Variants in NUP133 observed in about 807,000 individuals in gnomAD.
NUP133 encodes nucleoporin 133.
NUP133 carries 66 observed loss-of-function variants against 146.2 expected under a neutral mutation model. The ratio of observed to expected loss-of-function variants is 0.45; its 90% confidence interval spans 0.37 to 0.55. The LOEUF (loss-of-function observed/expected upper bound fraction) is 0.55, where lower values mean the gene tolerates loss of function less well. Ranked by LOEUF, NUP133 falls within the 20% of genes least tolerant of loss-of-function variation. The pLI, the probability that NUP133 is intolerant of heterozygous loss-of-function variation, is 0.00. For synonymous variants in NUP133, 521 were observed against 498.8 expected (o/e 1.04, Z -0.59); for missense variants, 1,277 against 1,374.8 (o/e 0.93, Z 1.12).
chr1:229,499,400 TCTTC>T (rs1023427829), intron 5 of NUP133, among the ~76,000 whole-genome samples: 1 of 152,188 alleles, frequency 6.6e-6, no homozygotes, highest in African/African-American at 2.4e-5. Flanking sequence ...TACATTCTTC[TCTTC>T]CTTGTCTCTT....
At chr1:229,454,793 C>T (rs1260258502) in intron 21 of NUP133, among the ~76,000 whole-genome samples, 1 of 152,172 alleles carries the variant, frequency 6.6e-6, no homozygotes, top group Non-Finnish European at 1.5e-5. Flanking sequence ...ATGGCTTCCC[C>T]TCTTAGACTA....
chr1:229,465,664 T>G, intron 16 of NUP133, 145 bp from the exon 17 acceptor site: 2 of 673,064 alleles, frequency 3.0e-6, no homozygotes, highest in Non-Finnish European at 2.6e-6. Context: ...TCCCAGTGCT[T>G]TGGGAGGCTG....
chr1:229,494,726 T>A (rs569114891), intron 8 of NUP133, among the ~76,000 whole-genome samples: 2 of 152,324 alleles, frequency 1.3e-5, no homozygotes, highest in East Asian at 3.9e-4. Flanking sequence ...AGTTCTAATT[T>A]GTACTACCAA....
intron 13 of NUP133, among the ~76,000 whole-genome samples, chr1:229,476,117 A>G (rs1310753881): frequency 1.3e-5 from 2 of 151,772 alleles, no homozygotes; most frequent in Non-Finnish European, 2.9e-5. Context: ...CAAAAAAGAA[A>G]AGGGAAAAAA....
At chr1:229,467,263 A>G (rs1176110464) in intron 15 of NUP133, among the ~76,000 whole-genome samples, 2 of 152,254 alleles carry the variant, frequency 1.3e-5, no homozygotes, top group African/African-American at 4.8e-5. Flanking sequence ...TTTGTCATTA[A>G]TTAATACATG....
At chr1:229,449,728 A>C (rs985297880) in intron 23 of NUP133, among the ~76,000 whole-genome samples, 1 of 151,254 alleles carries the variant, frequency 6.6e-6, no homozygotes, top group Non-Finnish European at 1.5e-5. Flanking sequence ...TATGTTTCTA[A>C]AATCTACCAA....
At chr1:229,499,199 C>T (rs1280798842) in intron 5 of NUP133, 1 of 470,838 alleles carries the variant, frequency 2.1e-6, no homozygotes, top group Admixed American at 2.3e-5. Flanking sequence ...CATGCTCAGC[C>T]AGATTTTGTT....
In NUP133 at chr1:229,498,096, T is replaced by C. The variant is rs893555250; in HGVS notation, c.819+40A>G. The stretch of plus-strand genomic sequence containing the variant: ...GATACTTTCAACTTATTGATTTAAC[T>C]AAGAAATAAGCTTGTAAAATAGTTA... On this transcript the variant is annotated intron_variant, in intron 6 of 25. Coordinates refer to ENST00000261396, the MANE Select transcript of NUP133 (RefSeq NM_018230.3). 7 of 1,416,640 alleles carry C rather than the reference T, an allele frequency of 4.9e-6. No homozygotes were observed. The African/African-American group carries it at 8.8e-5, about 18-fold the overall frequency. The allele number at this position is 1,416,640 out of a possible 1,614,324, so 87.8% of individuals were successfully genotyped here. A position where few individuals can be genotyped will look rare whatever the true frequency, so the allele number is the denominator to read the frequency against.
Position 229,501,992 on chromosome 1 carries a change from C to A in NUP133, c.405+7G>T, listed in dbSNP as rs1376649535. On this transcript the variant is annotated splice_region_variant and intron_variant, in intron 3 of 25. Coordinates refer to ENST00000261396, the MANE Select transcript of NUP133 (RefSeq NM_018230.3). ...TATCTTGTTCCAGCTCTCTAAAGAG[C>A]CATTACCTTAGTAATAGGTGACAGA... 3.8e-6 allele frequency: 6 copies of A among 1,586,282 alleles called. No individual in the cohort carries two copies. In the African/African-American group the frequency reaches 6.7e-5, roughly 18 times the overall value.
chr1:229,482,265 G>C (rs374727369), intron 12 of NUP133, among the ~76,000 whole-genome samples: 1 of 152,086 alleles, frequency 6.6e-6, no homozygotes, highest in Admixed American at 6.5e-5. Flanking sequence ...TGAGTGAGCC[G>C]CTATGCATCA....
At chr1:229,493,269 C>T (rs1661568483) in intron 8 of NUP133, among the ~76,000 whole-genome samples, 1 of 152,182 alleles carries the variant, frequency 6.6e-6, no homozygotes, top group Non-Finnish European at 1.5e-5. Context: ...CCCCAATCTC[C>T]TGGGCTCAAG....
At chr1:229,446,985 G>C (rs551178623) in intron 24 of NUP133, among the ~76,000 whole-genome samples, 1 of 151,964 alleles carries the variant, frequency 6.6e-6, no homozygotes, top group Non-Finnish European at 1.5e-5. Flanking sequence ...TTAGCCAGGC[G>C]TGGTGGTACA....
chr1:229,490,752 C>T (rs946302050), intron 8 of NUP133, among the ~76,000 whole-genome samples: 4 of 152,084 alleles, frequency 2.6e-5, no homozygotes, highest in African/African-American at 9.7e-5. Flanking sequence ...AACCTCAGAT[C>T]AGGAGTTCAA....
chr1:229,495,395 GA>G, intron 8 of NUP133, 99 bp downstream of exon 8: 3 of 802,640 alleles, frequency 3.7e-6, no homozygotes, highest in Non-Finnish European at 6.2e-6. Context: ...TGTCTCCAAA[GA>G]AAGAGCACAT....
chr1:229,483,245 G>A (rs1367434835), intron 12 of NUP133, among the ~76,000 whole-genome samples: 1 of 152,048 alleles, frequency 6.6e-6, no homozygotes, highest in Non-Finnish European at 1.5e-5. Flanking sequence ...CTAGAGGCGT[G>A]CATCACCATG....
Position 229,452,660 on chromosome 1 carries a change from G to A in NUP133, c.2981-17C>T, listed in dbSNP as rs1200580766. 3.7e-5 allele frequency: 58 copies of A among 1,559,048 alleles called. No homozygotes were observed. Among genetic ancestry groups the A allele is most frequent in the African/African-American group, 5.4e-5 (4 of 73,556 alleles). ...CAGCCATTTCTAGTATTCAAGATGA[G>A]AGGGAGGGAAAGAGAATATGATGAA... On this transcript the variant is annotated splice_polypyrimidine_tract_variant and intron_variant, in intron 21 of 25. Coordinates refer to ENST00000261396, the MANE Select transcript of NUP133 (RefSeq NM_018230.3).
At chr1:229,479,436 T>C (rs1661154389) in intron 12 of NUP133, among the ~76,000 whole-genome samples, 1 of 152,232 alleles carries the variant, frequency 6.6e-6, no homozygotes, top group Non-Finnish European at 1.5e-5. Context: ...GCCCAATTTA[T>C]AAATTAAACT....
chr1:229,466,335 A>G (rs1040778058), intron 16 of NUP133, among the ~76,000 whole-genome samples: 1 of 27,118 alleles, frequency 3.7e-5, no homozygotes, highest in Non-Finnish European at 7.1e-5. Flanking sequence ...CTTCTCTCAG[A>G]AAAAAAACCA....
At position 229,441,552 on chromosome 1, in the gene NUP133, A is replaced by G; in HGVS notation, c.*352T>C. ...GCAATTTTAGAGACAAGCTAGTGCAATCTAGTAATTTTCATAGTCGCAGAA... is the reference window on the plus strand; with the variant it reads ...GCAATTTTAGAGACAAGCTAGTGCAGTCTAGTAATTTTCATAGTCGCAGAA... On this transcript the variant is annotated 3_prime_UTR_variant, in exon 26 of 26. Transcript: ENST00000261396. The G allele has an allele frequency of 2.1e-6, 1 of 466,098 alleles. No individual in the cohort carries two copies. 28.9% of individuals were successfully genotyped at this position (466,098 alleles called of 1,614,324 possible). A position where few individuals can be genotyped will look rare whatever the true frequency, so the allele number is the denominator to read the frequency against.
Sources: allele counts gnomAD v4.1 joint callset (sites outside exome capture counted in the v4.1 genomes callset), GRCh38; gene constraint gnomAD v4.1.1; transcripts MANE v1.5; gene names NCBI Gene and HGNC (gene_info 2026-07-23, HGNC 2026-07-21).